SLC9A7: variants seen among roughly 807,000 people sequenced by gnomAD.
SLC9A7 encodes the protein sodium/hydrogen exchanger 7.
In SLC9A7, 19 loss-of-function variants were observed where a neutral mutation model predicts 52.6. The observed-to-expected ratio is 0.36, with a 90% CI of 0.25 to 0.53. The LOEUF is 0.53. Ranked by LOEUF, SLC9A7 falls within the 20% of genes least tolerant of loss-of-function variation. SLC9A7 has a pLI of 0.91. For synonymous variants in SLC9A7, 226 were observed against 252.1 expected, an observed-to-expected ratio of 0.90 and a Z score of 0.98; for missense variants, 455 against 597.9, an observed-to-expected ratio of 0.76 and a Z score of 2.49.
chrX:46,759,061 G>T lies in SLC9A7; in HGVS notation c.-32C>A. ...GGGGCCCCCCGCGCCTCCTCCGAGC[G>T]GGGACCAGCAGCCCGCGCCGTCGGC... On this transcript the variant is annotated 5_prime_UTR_variant, in exon 1 of 17. Coordinates refer to ENST00000616978, the MANE Select transcript of SLC9A7 (RefSeq NM_001257291.2). 3 of 884,905 alleles carry T rather than the reference G, an allele frequency of 3.4e-6. No homozygotes were observed. Among genetic ancestry groups the T allele is most frequent in the Non-Finnish European group, 4.2e-6 (3 of 716,696 alleles). 72.9% of individuals were successfully genotyped at this position (884,905 alleles called of 1,213,427 possible).
rs954631297 is a variant in SLC9A7 at position 46,606,523 on chromosome X, T to G, written c.*429A>C. The G allele has an allele frequency of 1.3e-6, 1 of 767,403 alleles. No individual in the cohort carries two copies. The highest frequency in any genetic ancestry group is 2.3e-5 in the African/African-American group (1 of 44,347). 63.2% of individuals were successfully genotyped at this position (767,403 alleles called of 1,213,427 possible). A position where few individuals can be genotyped will look rare whatever the true frequency, so the allele number is the denominator to read the frequency against. ...TAATCCTTGGAGTTCCGATCTCAAT[T>G]GCCTTCCTTCTCTTTAACTTGATAA... On this transcript the variant is annotated 3_prime_UTR_variant, in exon 17 of 17. Transcript: ENST00000616978.
chrX:46,615,677 T>C (rs903600089), intron 15 of SLC9A7, among the ~76,000 whole-genome samples: 5 of 109,166 alleles, frequency 4.6e-5, no homozygotes, highest in South Asian at 3.9e-4. Context: ...TATATATATA[T>C]AACCAGTAAG....
rs141032080 is a variant in SLC9A7, at chrX:46,736,544, T to C, written c.325+22161A>G. Among the ~76,000 whole-genome samples the C allele has an allele frequency of 9.3e-3, 1,043 of 111,888 alleles. 7 individuals are homozygous for C. Among genetic ancestry groups the C allele is most frequent in the African/African-American group, 0.032 (986 of 30,797 alleles). Reference sequence around the variant, plus strand: ...ATGGTACTGAGGTAAATATTTTTTATACTTGAAGATGAGTACACCTTTTTT... The same window carrying C: ...ATGGTACTGAGGTAAATATTTTTTACACTTGAAGATGAGTACACCTTTTTT... On this transcript the variant is annotated intron_variant, in intron 1 of 16. Transcript: ENST00000616978.
chrX:46,734,480 C>T (rs893239307), intron 1 of SLC9A7, among the ~76,000 whole-genome samples: 17 of 112,022 alleles, frequency 1.5e-4, no homozygotes, highest in African/African-American at 4.9e-4. Flanking sequence ...CAAAAATGAA[C>T]AGACATTAAC....
intron 14 of SLC9A7, among the ~76,000 whole-genome samples, chrX:46,625,713 CAAAAAAA>C (rs756504189): frequency 2.2e-5 from 1 of 45,103 alleles, no homozygotes; most frequent in Admixed American, 2.8e-4. Context: ...GTCTCTCTCT[CAAAAAAA>C]AAAAAAAAAA....
At chrX:46,676,626 G>C (rs1411681914) in intron 3 of SLC9A7, among the ~76,000 whole-genome samples, 1 of 111,863 alleles carries the variant, frequency 8.9e-6, no homozygotes, top group Non-Finnish European at 1.9e-5. Context: ...TATACATTAA[G>C]ATTAGTTATG....
chrX:46,731,769 T>C (rs986027451), intron 1 of SLC9A7, among the ~76,000 whole-genome samples: 2 of 109,489 alleles, frequency 1.8e-5, no homozygotes, highest in Non-Finnish European at 3.8e-5. Context: ...ATCTCTGTAA[T>C]ATACAAAAAA....
chrX:46,740,903 C>A (rs778616934), intron 1 of SLC9A7, among the ~76,000 whole-genome samples: 106 of 91,500 alleles, frequency 1.2e-3, no homozygotes, highest in Admixed American at 1.4e-3. Flanking sequence ...ATGAAATAAG[C>A]AAAAAAAAAA....
intron 1 of SLC9A7, among the ~76,000 whole-genome samples, chrX:46,735,215 T>TA (rs1192373619): frequency 8.9e-6 from 1 of 111,948 alleles, no homozygotes; most frequent in Non-Finnish European, 1.9e-5. Flanking sequence ...TTTTTTCCTC[T>TA]TTTTTCTGCT....
At chrX:46,755,585 C>T (rs1473608100) in intron 1 of SLC9A7, among the ~76,000 whole-genome samples, 1 of 110,779 alleles carries the variant, frequency 9.0e-6, no homozygotes, top group East Asian at 2.8e-4. Flanking sequence ...AATCCCAGCA[C>T]TTTGGGAGGC....
At chrX:46,746,865 C>T (rs1395680134) in intron 1 of SLC9A7, among the ~76,000 whole-genome samples, 2 of 112,212 alleles carry the variant, frequency 1.8e-5, no homozygotes, top group Non-Finnish European at 3.8e-5. Flanking sequence ...GCATTGTTCA[C>T]AATAACCAAA....
chrX:46,659,700 A>G (rs1943777281), intron 7 of SLC9A7, among the ~76,000 whole-genome samples: 1 of 61,460 alleles, frequency 1.6e-5, no homozygotes, highest in Non-Finnish European at 2.9e-5. Context: ...AGAACTACAA[A>G]CCACTGCTCA....
intron 12 of SLC9A7, among the ~76,000 whole-genome samples, chrX:46,639,321 G>A (rs1943369076): frequency 1.0e-5 from 1 of 98,319 alleles, no homozygotes; most frequent in African/African-American, 3.9e-5. Context: ...TCGCTCTGTC[G>A]CCCAGGCTGG....
In SLC9A7 at chrX:46,601,140, C is replaced by G. The variant is rs1433290526; in HGVS notation, c.*5812G>C. 8.9e-6 allele frequency: 1 copy of G among 112,347 alleles called. No individual in the cohort carries two copies. The highest frequency in any genetic ancestry group is 1.9e-5 in the Non-Finnish European group (1 of 53,298). 9.3% of individuals were successfully genotyped at this position (112,347 alleles called of 1,213,427 possible). Reference sequence around the variant, plus strand: ...TCAGCAGGCTGACTTTCTAGCAGCCCTCATTGCAGATAATCTTTCACAACA... The same window carrying G: ...TCAGCAGGCTGACTTTCTAGCAGCCGTCATTGCAGATAATCTTTCACAACA... On this transcript the variant is annotated 3_prime_UTR_variant, in exon 17 of 17. Coordinates refer to ENST00000616978, the MANE Select transcript of SLC9A7 (RefSeq NM_001257291.2).
chrX:46,709,389 AGAGT>A (rs1362745903), intron 1 of SLC9A7, among the ~76,000 whole-genome samples: 1 of 111,364 alleles, frequency 9.0e-6, no homozygotes, highest in African/African-American at 3.3e-5. Flanking sequence ...CATGGGTGAC[AGAGT>A]GAGACTCTGT....
In SLC9A7 at chrX:46,635,612, A is replaced by C. The variant is rs1197527701; in HGVS notation, c.1653T>G (p.Asn551Lys). 5 of 1,209,079 alleles carry C rather than the reference A, an allele frequency of 4.1e-6. No individual in the cohort carries two copies. The highest frequency in any genetic ancestry group is 1.7e-5 in the African/African-American group (1 of 57,216). Residue 551 changes from asparagine to lysine, a missense_variant, in exon 13 of 17, where the codon AAT (asparagine) becomes AAG (lysine). By Grantham distance (94) the Asn-to-Lys change is moderately conservative (BLOSUM62 0). Around this residue, in one of 3 missense-constraint regions of SLC9A7, gnomAD observed 146 missense variants for 160.5 expected, o/e 0.91. Transcript: ENST00000616978. ...GVEEPSEEDQNEHHWQYFRVG... is the reference protein window; with the variant it reads ...GVEEPSEEDQKEHHWQYFRVG... ...ACCTGAAGTACTGCCAGTGGTGTTC[A>C]TTCTGGTCCTCTTCGGAGGGCTCCT...
At chrX:46,613,196 T>G in intron 16 of SLC9A7, 93 bp downstream of exon 16, 1 of 568,032 alleles carries the variant, frequency 1.8e-6, no homozygotes, top group Non-Finnish European at 2.7e-6. Context: ...AATCTGTGGA[T>G]TTGGAGGCAT....
chrX:46,701,190 T>C (rs5952395), intron 1 of SLC9A7, among the ~76,000 whole-genome samples: 5,238 of 111,829 alleles, frequency 0.047, 298 homozygotes, highest in African/African-American at 0.16. Flanking sequence ...CAAGATATAA[T>C]TTTTACTTAG....
Position 46,651,322 on chromosome X carries a change from G to C in SLC9A7, c.1230C>G (p.Thr410=), listed in dbSNP as rs768463358. 29 of 1,205,364 alleles carry C rather than the reference G, an allele frequency of 2.4e-5. No individual in the cohort carries two copies. Among genetic ancestry groups the C allele is most frequent in the Non-Finnish European group, 3.0e-5 (27 of 892,534 alleles). The change falls in exon 9 of 17, where the codon ACC becomes ACG. Residue 410 remains threonine, a synonymous_variant. Transcript: ENST00000616978. ...NNLSVESRSR[T]KQLFEVLHFL... Reference sequence around the variant, plus strand: ...TACCAAGCCTCTCTCTCACCTGCTTGGTTCGACTTCTTGATTCCACCGACA... The same window carrying C: ...TACCAAGCCTCTCTCTCACCTGCTTCGTTCGACTTCTTGATTCCACCGACA...
Sources: gnomAD v4.1 joint callset for allele counts (sites outside exome capture counted in the v4.1 genomes callset) on GRCh38, gnomAD v4.1.1 for gene constraint, gnomAD v4.1.1 regional missense constraint, MANE v1.5 for transcripts, NCBI Gene and HGNC (gene_info 2026-07-23, HGNC 2026-07-21) for gene names.